ZNF395: variants seen among roughly 807,000 people sequenced by gnomAD.
ZNF395 encodes zinc finger protein 395.
A neutral mutation model predicts 57.7 loss-of-function variants in ZNF395; 20 were observed. The ratio of observed to expected loss-of-function variants is 0.35; its 90% confidence interval spans 0.24 to 0.50. ZNF395 has a LOEUF of 0.50. ZNF395 is among the 20% of genes least tolerant of loss of function. The probability of loss-of-function intolerance (pLI) is 0.97; values close to 1 mark genes in which losing one functional copy is unlikely to be tolerated. For synonymous variants in ZNF395, 295 were observed against 275.9 expected (o/e 1.07, Z -0.69); for missense variants, 606 against 671.2 (o/e 0.90, Z 1.07).
intron 1 of ZNF395, among the ~76,000 whole-genome samples, chr8:28,379,616 C>T (rs575726112): frequency 7.5e-4 from 114 of 152,300 alleles, no homozygotes; most frequent in Non-Finnish European, 1.4e-3. Context: ...TGCCCTGCCC[C>T]TCCTCAGTGG....
chr8:28,377,621 C>T (rs1802056893), intron 1 of ZNF395, among the ~76,000 whole-genome samples: 1 of 151,888 alleles, frequency 6.6e-6, no homozygotes, highest in South Asian at 2.1e-4. Context: ...CAGTGCGGGA[C>T]AGGAAGTGGG....
In ZNF395 at chr8:28,352,701, GA is replaced by G; in HGVS notation, c.820-29del. On this transcript the variant is annotated intron_variant, in intron 5 of 9. Transcript: ENST00000344423. The surrounding 1 kb of genome is among the most constrained non-coding windows in gnomAD (Gnocchi z 4.0). ...ACAGGAAAGGAAGACAGGGTGAGTGGATATGTCTTTCTCCTTATCCCTCGCT... is the reference window on the plus strand; with the variant it reads ...ACAGGAAAGGAAGACAGGGTGAGTGGTATGTCTTTCTCCTTATCCCTCGCT... 1 of 1,578,070 alleles carries G rather than the reference GA, an allele frequency of 6.3e-7. No individual in the cohort carries two copies. Among genetic ancestry groups the G allele is most frequent in the South Asian group, 1.1e-5 (1 of 90,334 alleles).
At chr8:28,385,098 G>A (rs1176886555) in intron 1 of ZNF395, 2 of 152,270 alleles carry the variant, frequency 1.3e-5, no homozygotes, top group South Asian at 2.1e-4. Context: ...AAAACCCCCA[G>A]GTGTACTTTT....
chr8:28,384,969 C>T (rs1802154061), intron 1 of ZNF395: 1 of 152,318 alleles, frequency 6.6e-6, no homozygotes, highest in South Asian at 2.1e-4. Context: ...TGGAGTTGAA[C>T]TTAATGGCCA....
At position 28,351,618 on chromosome 8, in the gene ZNF395, A is replaced by C; in HGVS notation, c.1110T>G (p.Pro370=). ...TGLPLSALPP[P]LHKAQSSGPE... is the part of the protein sequence containing the mutation. ...GGCCGGAGGACTGGGCTTTGTGCAG[A>C]GGTGGTGGAAGAGCAGACAGAGGCA... Residue 370 remains proline (P), a synonymous_variant, in exon 7 of 10, where the codon CCT becomes CCG. Coordinates refer to ENST00000344423, the MANE Select transcript of ZNF395 (RefSeq NM_018660.3). The C allele has an allele frequency of 6.2e-7, 1 of 1,613,570 alleles. No individual in the cohort carries two copies. Among genetic ancestry groups the C allele is most frequent in the Non-Finnish European group, 8.5e-7 (1 of 1,179,998 alleles).
At chr8:28,370,986 G>A (rs1801969280) in intron 1 of ZNF395, among the ~76,000 whole-genome samples, 1 of 152,220 alleles carries the variant, frequency 6.6e-6, no homozygotes, top group Non-Finnish European at 1.5e-5. Context: ...TTAAGTGCCA[G>A]TCAACTTGCT....
In ZNF395 at chr8:28,345,842, C is replaced by G. The variant is rs1801593549; in HGVS notation, c.*2877G>C. On this transcript the variant is annotated 3_prime_UTR_variant, in exon 10 of 10. Transcript: ENST00000344423. ...ACAGGACAGATTTCTCCCAGCAAATCAGTCTCCACAACCAAATGAATATTG... is the reference window on the plus strand; with the variant it reads ...ACAGGACAGATTTCTCCCAGCAAATGAGTCTCCACAACCAAATGAATATTG... The G allele has an allele frequency of 6.7e-6, 1 of 149,950 alleles. No homozygotes were observed. The highest frequency in any genetic ancestry group is 2.5e-5 in the African/African-American group (1 of 40,790). 9.3% of individuals were successfully genotyped at this position (149,950 alleles called of 1,614,324 possible).
At chr8:28,376,646 C>G (rs1802044297) in intron 1 of ZNF395, among the ~76,000 whole-genome samples, 1 of 151,942 alleles carries the variant, frequency 6.6e-6, no homozygotes, top group African/African-American at 2.4e-5. Flanking sequence ...GGCATGTTAG[C>G]CCAACTTTCC....
chr8:28,385,363 G>C (rs946505443), intron 1 of ZNF395: 3 of 151,682 alleles, frequency 2.0e-5, no homozygotes, highest in African/African-American at 7.3e-5. Context: ...ACGCTGCCTT[G>C]GAAATTGTTT....
intron 1 of ZNF395, chr8:28,386,028 C>A (rs981913211): frequency 1.4e-5 from 2 of 147,300 alleles, no homozygotes; most frequent in African/African-American, 4.9e-5. Flanking sequence ...AGCGGCAGCA[C>A]GCGCCCGGCT....
intron 1 of ZNF395, among the ~76,000 whole-genome samples, chr8:28,371,557 T>C (rs374079175): frequency 6.6e-6 from 1 of 152,198 alleles, no homozygotes; most frequent in Non-Finnish European, 1.5e-5. Flanking sequence ...GATGACCACA[T>C]AAGCTTCCTT....
chr8:28,350,842 T>C (rs1801673060), intron 7 of ZNF395, among the ~76,000 whole-genome samples: 1 of 152,248 alleles, frequency 6.6e-6, no homozygotes, highest in African/African-American at 2.4e-5. Context: ...GCATGTTCCT[T>C]GAGTACCTAC....
chr8:28,367,028 C>T (rs1403349355), intron 1 of ZNF395, among the ~76,000 whole-genome samples: 1 of 151,616 alleles, frequency 6.6e-6, no homozygotes, highest in African/African-American at 2.4e-5. Context: ...TTTCACAGTA[C>T]AAGCTTCAGA....
chr8:28,355,916 A>G (rs1801773041), intron 4 of ZNF395, among the ~76,000 whole-genome samples: 2 of 152,182 alleles, frequency 1.3e-5, no homozygotes, highest in Admixed American at 1.3e-4. Flanking sequence ...AGCTAACTCC[A>G]TATTTTCCTG....
intron 1 of ZNF395, among the ~76,000 whole-genome samples, chr8:28,374,390 T>G (rs1035849856): frequency 2.0e-5 from 3 of 152,268 alleles, no homozygotes; most frequent in Non-Finnish European, 4.4e-5. Flanking sequence ...GAAAACTTTC[T>G]GATTGCTGCA....
At chr8:28,373,512 C>T (rs1802001190) in intron 1 of ZNF395, among the ~76,000 whole-genome samples, 1 of 152,158 alleles carries the variant, frequency 6.6e-6, no homozygotes, top group South Asian at 2.1e-4. Context: ...GTGTTTAAGC[C>T]ACACTGGATT....
Position 28,358,779 on chromosome 8 carries a change from A to T in ZNF395, c.473+813T>A, listed in dbSNP as rs559786447. Among the ~76,000 whole-genome samples the T allele has an allele frequency of 1.2e-3, 190 of 152,316 alleles. 11 individuals carry two copies. In the South Asian group the frequency reaches 0.036, roughly 29 times the overall value. ...TAATTTCTTGACATGTGACACATGG[A>T]AAGTATATAAAACTAAAATTTGAGG... On this transcript the variant is annotated intron_variant, in intron 3 of 9. Transcript: ENST00000344423.
intron 1 of ZNF395, chr8:28,385,499 A>T (rs1802165566): frequency 6.7e-6 from 1 of 149,012 alleles, no homozygotes; most frequent in African/African-American, 2.5e-5. Flanking sequence ...GTGCGGGCAG[A>T]GGGGGCGGTG....
intron 4 of ZNF395, among the ~76,000 whole-genome samples, chr8:28,353,842 G>A (rs75253621): frequency 0.011 from 1,604 of 152,262 alleles, 31 homozygotes; most frequent in African/African-American, 0.037. Context: ...AGGCCTGGTT[G>A]AGAACAGGCA....
Sources: gnomAD v4.1 joint callset for allele counts (sites outside exome capture counted in the v4.1 genomes callset) on GRCh38, gnomAD v4.1.1 for gene constraint, Gnocchi (gnomAD v3.1) non-coding constraint, MANE v1.5 for transcripts, NCBI Gene and HGNC (gene_info 2026-07-23, HGNC 2026-07-21) for gene names.